EPHA8: variants seen among roughly 807,000 people sequenced by gnomAD.
EPHA8 encodes the protein EPH receptor A8.
In EPHA8, 58 loss-of-function variants were observed where a neutral mutation model predicts 103.6. That is an observed-to-expected ratio of 0.56 (90% CI 0.45 to 0.70). The LOEUF is 0.70. EPHA8 is among the 30% of genes least tolerant of loss of function. The pLI is 0.00. For synonymous variants in EPHA8, 559 were observed against 572.5 expected (o/e 0.98, Z 0.34); for missense variants, 1,304 against 1,395.2 (o/e 0.93, Z 1.04).
At chr1:22,574,143 C>T (rs113069135) in intron 2 of EPHA8, among the ~76,000 whole-genome samples, 14,797 of 152,204 alleles carry the variant, frequency 0.097, 714 homozygotes, top group South Asian at 0.19. Flanking sequence ...CACGCCCGGC[C>T]AACTTTTTTG....
chr1:22,600,611 A>T, intron 13 of EPHA8, 50 bp from the exon 14 acceptor site: 1 of 1,602,072 alleles, frequency 6.2e-7, no homozygotes, highest in Non-Finnish European at 8.5e-7. Context: ...GGCTCGGGGG[A>T]CACCCTGCCA....
chr1:22,600,531 G>T, intron 13 of EPHA8, 130 bp from the exon 14 acceptor site: 1 of 1,267,606 alleles, frequency 7.9e-7, no homozygotes, highest in Non-Finnish European at 1.1e-6. Context: ...GGTGCTCTGG[G>T]ACGGTGGGGG....
rs562117218 is a variant in EPHA8, at chr1:22,580,233, G to A, written c.823+3353G>A. Among the ~76,000 whole-genome samples, 21 of 142,474 alleles carry A rather than the reference G, an allele frequency of 1.5e-4. No individual in the cohort carries two copies. In the South Asian group the frequency reaches 3.5e-3, roughly 24 times the overall value. The allele number at this position is 142,474 out of a possible 152,430, so 93.5% of individuals were successfully genotyped here. On this transcript the variant is annotated intron_variant, in intron 3 of 16. Coordinates refer to ENST00000166244, the MANE Select transcript of EPHA8 (RefSeq NM_020526.5). ...CAGCTCTCTGCAACCTCCGCCTCCC[G>A]GTTCAAGCGGTTCTCCTGCCTCAGC...
At chr1:22,587,598 T>C (rs1277163147) in intron 4 of EPHA8, among the ~76,000 whole-genome samples, 1 of 152,160 alleles carries the variant, frequency 6.6e-6, no homozygotes, top group Non-Finnish European at 1.5e-5. Context: ...CATACTCCCA[T>C]TCCAGGCCTG....
chr1:22,578,547 G>T (rs111162214), intron 3 of EPHA8, among the ~76,000 whole-genome samples: 2 of 145,312 alleles, frequency 1.4e-5, no homozygotes, highest in Non-Finnish European at 3.0e-5. Flanking sequence ...GCATGTGTGC[G>T]TGAGTGTGCA....
Position 22,597,771 on chromosome 1 carries a change from A to C in EPHA8, c.2026A>C (p.Arg676=). The change falls in exon 11 of 17, where the codon AGA becomes CGA. Residue 676 remains arginine (R), a synonymous_variant. Transcript: ENST00000166244. The surrounding 1 kb of genome is among the most constrained non-coding windows in gnomAD (Gnocchi z 4.6). Reference sequence around the variant, plus strand: ...GGCCCTCAAAGCCGGCTACACGGAGAGACAGAGGCGGGACTTCCTGAGCGA... The same window carrying C: ...GGCCCTCAAAGCCGGCTACACGGAGCGACAGAGGCGGGACTTCCTGAGCGA... ...IKALKAGYTE[R]QRRDFLSEAS... 2 of 1,613,214 alleles carry C rather than the reference A, an allele frequency of 1.2e-6. No homozygotes were observed. The highest frequency in any genetic ancestry group is 3.3e-5 in the Admixed American group (2 of 60,020).
At chr1:22,594,786 G>C in intron 7 of EPHA8, among the ~76,000 whole-genome samples, 1 of 152,248 alleles carries the variant, frequency 6.6e-6, no homozygotes, top group East Asian at 1.9e-4. Flanking sequence ...TCAATTCCTC[G>C]AGTTCTCTGA....
chr1:22,570,386 G>A (rs111649976), intron 2 of EPHA8, among the ~76,000 whole-genome samples: 317 of 150,308 alleles, frequency 2.1e-3, no homozygotes, highest in African/African-American at 6.6e-3. Context: ...ACACACACGC[G>A]CGCGCGCATA....
Position 22,598,274 on chromosome 1 carries a change from G to A in EPHA8, c.2178+62G>A. 6.4e-7 allele frequency: 1 copy of A among 1,550,562 alleles called. No individual in the cohort carries two copies. ...GGAGGGAGGTCCAGTCTGGGTGCTG[G>A]GAGATAGTGCAAAGCCCTCTAAGCC... is the stretch of plus-strand genomic sequence containing the variant. On this transcript the variant is annotated intron_variant, in intron 12 of 16. Coordinates refer to ENST00000166244, the MANE Select transcript of EPHA8 (RefSeq NM_020526.5). The surrounding 1 kb of genome is among the most constrained non-coding windows in gnomAD (Gnocchi z 5.1).
intron 1 of EPHA8, among the ~76,000 whole-genome samples, chr1:22,564,327 G>A (rs1640292643): frequency 2.0e-5 from 3 of 151,654 alleles, no homozygotes; most frequent in South Asian, 2.1e-4. Flanking sequence ...GTCAGGGCCC[G>A]AGGGCCACAG....
intron 2 of EPHA8, among the ~76,000 whole-genome samples, chr1:22,571,488 G>A (rs1033354560): frequency 3.9e-5 from 6 of 152,146 alleles, no homozygotes; most frequent in African/African-American, 4.8e-5. Context: ...AGTCCCTTCC[G>A]CCACCTTCGA....
At position 22,593,308 on chromosome 1, in the gene EPHA8, C is replaced by T. The variant is rs200567814; in HGVS notation, c.1316-18C>T. ...CCTTGTCTCCCCTCCGCCCATCTGA[C>T]GGGATTGGCCGCCCCAGCCCCGTCC... On this transcript the variant is annotated intron_variant, in intron 5 of 16. Coordinates refer to ENST00000166244, the MANE Select transcript of EPHA8 (RefSeq NM_020526.5). 385 of 1,551,726 alleles carry T rather than the reference C, an allele frequency of 2.5e-4. 3 individuals are homozygous for T. In the African/African-American group the frequency reaches 4.5e-3, roughly 18 times the overall value.
At chr1:22,566,175 G>A (rs1399010426) in intron 1 of EPHA8, among the ~76,000 whole-genome samples, 3 of 152,170 alleles carry the variant, frequency 2.0e-5, no homozygotes, top group African/African-American at 2.4e-5. Flanking sequence ...CTGCAGAGAC[G>A]CCCCCCGGAC....
In EPHA8 at chr1:22,588,866, C is replaced by T; in HGVS notation, c.980-5C>T. 1 of 1,575,416 alleles carries T rather than the reference C, an allele frequency of 6.3e-7. No individual in the cohort carries two copies. The highest frequency in any genetic ancestry group is 8.6e-7 in the Non-Finnish European group (1 of 1,162,432). ...ACTGCCCCATCTGTCATCCTCTGCC[C>T]TCAGGGCCACCCTCGGCACCAGTGA... On this transcript the variant is annotated splice_polypyrimidine_tract_variant and splice_region_variant and intron_variant, in intron 4 of 16. Transcript: ENST00000166244.
At chr1:22,564,882 C>T (rs1038473886) in intron 1 of EPHA8, among the ~76,000 whole-genome samples, 1 of 152,098 alleles carries the variant, frequency 6.6e-6, no homozygotes, top group Admixed American at 6.5e-5. Flanking sequence ...AAGCGAACTC[C>T]GGAGCTGGTG....
chr1:22,599,648 A>AGG (rs1285386032), intron 13 of EPHA8, among the ~76,000 whole-genome samples: 1 of 66,272 alleles, frequency 1.5e-5, no homozygotes, highest in African/African-American at 9.7e-5. Context: ...GGAGGGAGGG[A>AGG]AGGAAGGAAA....
In EPHA8 at chr1:22,602,787, G is replaced by T. The variant is rs1641775574; in HGVS notation, c.*1046G>T. The T allele has an allele frequency of 6.6e-6, 1 of 152,406 alleles. No individual in the cohort carries two copies. Among genetic ancestry groups the T allele is most frequent in the Non-Finnish European group, 1.5e-5 (1 of 68,098 alleles). 9.4% of individuals were successfully genotyped at this position (152,406 alleles called of 1,614,324 possible). A position where few individuals can be genotyped will look rare whatever the true frequency, so the allele number is the denominator to read the frequency against. Reference sequence around the variant, plus strand: ...TCCTGTAGCATATGGGGAGACTAAGGCCTGGAGAGAGGGGTGATGCCCCGT... The same window carrying T: ...TCCTGTAGCATATGGGGAGACTAAGTCCTGGAGAGAGGGGTGATGCCCCGT... On this transcript the variant is annotated 3_prime_UTR_variant, in exon 17 of 17. Transcript: ENST00000166244.
rs1210228838 is a variant in EPHA8 at position 22,599,052 on chromosome 1, G to A, written c.2388+5G>A. On this transcript the variant is annotated splice_donor_5th_base_variant and intron_variant, in intron 13 of 16. Transcript: ENST00000166244. Reference sequence around the variant, plus strand: ...GATGCTGCCTACACCACCACGGTGCGTCGCCCACACTCCTTCCGGCTAGAC... The same window carrying A: ...GATGCTGCCTACACCACCACGGTGCATCGCCCACACTCCTTCCGGCTAGAC... 32 of 1,592,794 alleles carry A rather than the reference G, an allele frequency of 2.0e-5. No homozygotes were observed. The highest frequency in any genetic ancestry group is 4.5e-5 in the East Asian group (2 of 44,070).
Position 22,600,901 on chromosome 1 carries a change from A to G in EPHA8, c.2542A>G (p.Ile848Val), listed in dbSNP as rs1641706026. Residue 848 changes from isoleucine to valine, a missense_variant, in exon 15 of 17, where the codon ATC becomes GTC. Physicochemically the swap from Ile to Val is conservative, Grantham distance 29. Transcript: ENST00000166244. ...PYWNMTNRDV[I>V]SSVEEGYRLP... ...GCCCAGCGCTGATCCCCTGCAGGTC[A>G]TCAGCTCTGTGGAGGAGGGGTACCG... The G allele has an allele frequency of 1.9e-6, 3 of 1,605,190 alleles. No individual in the cohort carries two copies. The highest frequency in any genetic ancestry group is 2.2e-5 in the South Asian group (2 of 89,904).
Sources: allele counts gnomAD v4.1 joint callset (sites outside exome capture counted in the v4.1 genomes callset), GRCh38; gene constraint gnomAD v4.1.1; non-coding constraint Gnocchi (gnomAD v3.1); transcripts MANE v1.5; gene names NCBI Gene and HGNC (gene_info 2026-07-23, HGNC 2026-07-21).